ARF5: variants seen among roughly 807,000 people sequenced by gnomAD.
The protein encoded by ARF5 is ARF GTPase 5, also known as ADP-ribosylation factor 5.
ARF5 carries 10 observed loss-of-function variants against 24.8 expected under a neutral mutation model. That is an observed-to-expected ratio of 0.40 (90% confidence interval 0.25 to 0.68). The LOEUF (loss-of-function observed/expected upper bound fraction) is 0.68, where lower values mean the gene tolerates loss of function less well. Ranked by LOEUF, ARF5 falls within the 30% of genes least tolerant of loss-of-function variation. The probability of loss-of-function intolerance (pLI) is 0.36; values close to 1 mark genes in which losing one functional copy is unlikely to be tolerated. For missense variants in ARF5, 135 were observed against 239.2 expected (o/e 0.56, Z 2.87); for synonymous variants, 102 against 95.1 (o/e 1.07, Z -0.42).
intron 1 of ARF5, 157 bp downstream of exon 1, chr7:127,588,722 T>G: frequency 2.6e-6 from 2 of 775,930 alleles, no homozygotes; most frequent in Non-Finnish European, 1.9e-6. Flanking sequence ...GGTCCCGGTC[T>G]GCATCGCCGA....
At position 127,590,050 on chromosome 7, in the gene ARF5, C is replaced by T. The variant is rs1202388458; in HGVS notation, c.259-16C>T. Reference sequence around the variant, plus strand: ...AGAAGTGATTGCTTCTCCTTTCTTCCTTCCTTCCTGCCCAGGGCCTCATCT... The same window carrying T: ...AGAAGTGATTGCTTCTCCTTTCTTCTTTCCTTCCTGCCCAGGGCCTCATCT... On this transcript the variant is annotated splice_polypyrimidine_tract_variant and intron_variant, in intron 3 of 5. Transcript: ENST00000000233. The T allele has an allele frequency of 6.2e-7, 1 of 1,612,802 alleles. No homozygotes were observed. The highest frequency in any genetic ancestry group is 8.5e-7 in the Non-Finnish European group (1 of 1,179,014).
Position 127,591,092 on chromosome 7 carries a change from G to A in ARF5, c.456+4G>A. Reference sequence around the variant, plus strand: ...ACAGCACTTACGCAGCCGCACGGTAGGGGTCCTGCCCACCTGGTGCTGAAT... The same window carrying A: ...ACAGCACTTACGCAGCCGCACGGTAAGGGTCCTGCCCACCTGGTGCTGAAT... On this transcript the variant is annotated splice_donor_region_variant and intron_variant, in intron 5 of 5. Coordinates refer to ENST00000000233, the MANE Select transcript of ARF5 (RefSeq NM_001662.4). 2 of 1,613,858 alleles carry A rather than the reference G, an allele frequency of 1.2e-6. No individual in the cohort carries two copies. The highest frequency in any genetic ancestry group is 1.7e-6 in the Non-Finnish European group (2 of 1,179,930).
Position 127,591,104 on chromosome 7 carries a change from A to C in ARF5, c.456+16A>C. The stretch of plus-strand genomic sequence containing the variant: ...CAGCCGCACGGTAGGGGTCCTGCCC[A>C]CCTGGTGCTGAATCCTGCCTCTTGA... On this transcript the variant is annotated intron_variant, in intron 5 of 5. Transcript: ENST00000000233. 6.2e-7 allele frequency: 1 copy of C among 1,613,510 alleles called. No individual in the cohort carries two copies. The highest frequency in any genetic ancestry group is 8.5e-7 in the Non-Finnish European group (1 of 1,179,794).
intron 3 of ARF5, 132 bp downstream of exon 3, chr7:127,589,726 G>A: frequency 2.9e-6 from 2 of 685,252 alleles, no homozygotes; most frequent in East Asian, 2.7e-5. Flanking sequence ...CTTCTGTTTG[G>A]CTATCCCCTA....
chr7:127,589,618 C>T (rs1794254895), intron 3 of ARF5, 24 bp downstream of exon 3: 1 of 1,562,658 alleles, frequency 6.4e-7, no homozygotes, highest in Non-Finnish European at 8.8e-7. Context: ...AGGGGACTTT[C>T]TAACCCCACG....
At position 127,590,624 on chromosome 7, in the gene ARF5, C is replaced by T. The variant is rs1183941491; in HGVS notation, c.331-339C>T. Among the ~76,000 whole-genome samples, 3 of 152,344 alleles carry T rather than the reference C, an allele frequency of 2.0e-5. No individual in the cohort carries two copies. In the East Asian group the frequency reaches 5.8e-4, roughly 29 times the overall value. ...CTGGGATTACAGGAGTGAGCCACTGCGCCCGGCCGCATTCTCATGTCTTTA... is the reference window on the plus strand; with the variant it reads ...CTGGGATTACAGGAGTGAGCCACTGTGCCCGGCCGCATTCTCATGTCTTTA... On this transcript the variant is annotated intron_variant, in intron 4 of 5. Coordinates refer to ENST00000000233, the MANE Select transcript of ARF5 (RefSeq NM_001662.4).
At position 127,588,485 on chromosome 7, in the gene ARF5, C is replaced by A; in HGVS notation, c.-14C>A. 1 of 1,435,716 alleles carries A rather than the reference C, an allele frequency of 7.0e-7. No homozygotes were observed. 88.9% of individuals were successfully genotyped at this position (1,435,716 alleles called of 1,614,324 possible). A position where few individuals can be genotyped will look rare whatever the true frequency, so the allele number is the denominator to read the frequency against. ...ACCCCGCGTCGGTGCCCGCGCCCCTCCCCGGGCCCCGCCATGGGCCTCACC... is the reference window on the plus strand; with the variant it reads ...ACCCCGCGTCGGTGCCCGCGCCCCTACCCGGGCCCCGCCATGGGCCTCACC... On this transcript the variant is annotated 5_prime_UTR_variant, in exon 1 of 6. Transcript: ENST00000000233.
Position 127,591,476 on chromosome 7 carries a change from C to T in ARF5, c.*177C>T, listed in dbSNP as rs554144811. ...TCTGTTGTTGGAGCCTGGAGCCTTG[C>T]TCTCTGGGCACAGAGGGGTCCACTC... On this transcript the variant is annotated 3_prime_UTR_variant, in exon 6 of 6. Transcript: ENST00000000233. 8.4e-6 allele frequency: 5 copies of T among 594,168 alleles called. No individual in the cohort carries two copies. The highest frequency in any genetic ancestry group is 6.9e-5 in the South Asian group (3 of 43,378). The allele number at this position is 594,168 out of a possible 1,614,324, so 36.8% of individuals were successfully genotyped here. A position where few individuals can be genotyped will look rare whatever the true frequency, so the allele number is the denominator to read the frequency against.
chr7:127,588,981 C>T, intron 1 of ARF5, 102 bp from the exon 2 acceptor site: 2 of 1,387,630 alleles, frequency 1.4e-6, no homozygotes, highest in South Asian at 1.2e-5. Context: ...CGCTCCCGCT[C>T]TCCGCCCCAG....
At chr7:127,590,911 A>C in intron 4 of ARF5, 52 bp from the exon 5 acceptor site, 2 of 1,573,276 alleles carry the variant, frequency 1.3e-6, no homozygotes, top group Non-Finnish European at 1.7e-6. Flanking sequence ...GAATTCCCCA[A>C]CACAGTAGAG....
chr7:127,589,746 C>T (rs1794256866), intron 3 of ARF5, 152 bp downstream of exon 3: 1 of 639,210 alleles, frequency 1.6e-6, no homozygotes. Context: ...ACTCACTCTT[C>T]AGAACTCACC....
intron 3 of ARF5, 101 bp from the exon 4 acceptor site, chr7:127,589,965 A>G: frequency 9.5e-7 from 1 of 1,054,022 alleles, no homozygotes; most frequent in East Asian, 2.4e-5. Context: ...GATGAGAAGG[A>G]TTGACACAAT....
chr7:127,588,739 G>A (rs986675818), intron 1 of ARF5, 174 bp downstream of exon 1: 2 of 669,046 alleles, frequency 3.0e-6, no homozygotes, highest in African/African-American at 1.9e-5. Context: ...CCGACCCCGG[G>A]GCCTGACACC....
rs1794251630 is a variant in ARF5, at chr7:127,589,388, T to C, written c.149-97T>C. On this transcript the variant is annotated intron_variant, in intron 2 of 5. Transcript: ENST00000000233. ...TTCTGTTCCCCTGGGCCTTGATCAT[T>C]GCCTTCTGGTTTTGTGTCCCTGCTG... The C allele has an allele frequency of 8.4e-6, 10 of 1,197,062 alleles. No individual in the cohort carries two copies. The South Asian group carries it at 9.9e-5, about 12-fold the overall frequency. 74.2% of individuals were successfully genotyped at this position (1,197,062 alleles called of 1,614,324 possible). A position where few individuals can be genotyped will look rare whatever the true frequency, so the allele number is the denominator to read the frequency against.
In ARF5 at chr7:127,591,313, G is replaced by A. The variant is rs760153827; in HGVS notation, c.*14G>A. Reference sequence around the variant, plus strand: ...TCAAAGCGCTAACCAGCCAGGGGCAGGCCCCTGATGCCCGGAAGCTCCTGC... The same window carrying A: ...TCAAAGCGCTAACCAGCCAGGGGCAAGCCCCTGATGCCCGGAAGCTCCTGC... On this transcript the variant is annotated 3_prime_UTR_variant, in exon 6 of 6. Coordinates refer to ENST00000000233, the MANE Select transcript of ARF5 (RefSeq NM_001662.4). The A allele has an allele frequency of 9.5e-6, 15 of 1,575,602 alleles. No individual in the cohort carries two copies. The highest frequency in any genetic ancestry group is 6.9e-6 in the Non-Finnish European group (8 of 1,165,330).
At position 127,588,478 on chromosome 7, in the gene ARF5, C is replaced by T. The variant is rs1432680766; in HGVS notation, c.-21C>T. On this transcript the variant is annotated 5_prime_UTR_variant, in exon 1 of 6. Coordinates refer to ENST00000000233, the MANE Select transcript of ARF5 (RefSeq NM_001662.4). ...AGCCCGCACCCCGCGTCGGTGCCCGCGCCCCTCCCCGGGCCCCGCCATGGG... is the reference window on the plus strand; with the variant it reads ...AGCCCGCACCCCGCGTCGGTGCCCGTGCCCCTCCCCGGGCCCCGCCATGGG... The T allele has an allele frequency of 1.4e-6, 2 of 1,426,576 alleles. No homozygotes were observed. The highest frequency in any genetic ancestry group is 1.9e-6 in the Non-Finnish European group (2 of 1,077,984). The allele number at this position is 1,426,576 out of a possible 1,614,324, so 88.4% of individuals were successfully genotyped here.
chr7:127,591,121 G>A (rs1280173243), intron 5 of ARF5, 33 bp downstream of exon 5: 2 of 1,612,572 alleles, frequency 1.2e-6, no homozygotes, highest in Admixed American at 1.7e-5. Flanking sequence ...GCTGAATCCT[G>A]CCTCTTGAGG....
intron 1 of ARF5, 48 bp from the exon 2 acceptor site, chr7:127,589,035 G>C: frequency 6.2e-7 from 1 of 1,603,156 alleles, no homozygotes; most frequent in East Asian, 2.2e-5. Context: ...TGGTCTCTAG[G>C]GGGCTCCCTC....
chr7:127,588,627 C>T, intron 1 of ARF5, 62 bp downstream of exon 1: 4 of 1,282,464 alleles, frequency 3.1e-6, no homozygotes, highest in Non-Finnish European at 4.0e-6. Context: ...CCCTTCCGCC[C>T]CCGCGTCCCT....
Sources: allele counts gnomAD v4.1 joint callset (sites outside exome capture counted in the v4.1 genomes callset), GRCh38; gene constraint gnomAD v4.1.1; transcripts MANE v1.5; gene names NCBI Gene and HGNC (gene_info 2026-07-23, HGNC 2026-07-21).